The following MRPS14 variants were observed in gnomAD, a reference collection of about 807,000 sequenced individuals.
The protein encoded by MRPS14 is mitochondrial ribosomal protein S14.
A neutral mutation model predicts 16.4 loss-of-function variants in MRPS14; 14 were observed. That is an observed-to-expected ratio of 0.85 (90% CI 0.56 to 1.33). The LOEUF is 1.33. MRPS14 is among the 40% of genes most tolerant of loss of function. The pLI is 0.00. For missense variants in MRPS14, 162 were observed against 176.8 expected, an observed-to-expected ratio of 0.92 and a Z score of 0.48; for synonymous variants, 54 against 61.9, an observed-to-expected ratio of 0.87 and a Z score of 0.60.
rs1012484193 is a variant in MRPS14 at position 175,023,356 on chromosome 1, G to A, written c.45+8C>T. ...GGGTAGCGGTGTGGATAAAAGTAGA[G>A]GCCTGACCTGCTTGAACGTCCGCAG... On this transcript the variant is annotated splice_region_variant and intron_variant, in intron 1 of 2. Transcript: ENST00000476371. 1 of 1,613,930 alleles carries A rather than the reference G, an allele frequency of 6.2e-7. No homozygotes were observed. The highest frequency in any genetic ancestry group is 1.3e-5 in the African/African-American group (1 of 74,918).
intron 2 of MRPS14, 49 bp from the exon 3 acceptor site, chr1:175,014,900 G>T: frequency 6.7e-5 from 91 of 1,351,638 alleles, no homozygotes; most frequent in Non-Finnish European, 8.1e-5. Flanking sequence ...TGTTGCACAT[G>T]TATTTTGCTC....
intron 2 of MRPS14, among the ~76,000 whole-genome samples, chr1:175,017,406 C>T (rs1354183362): frequency 6.6e-6 from 1 of 152,158 alleles, no homozygotes; most frequent in Non-Finnish European, 1.5e-5. Flanking sequence ...TAGTGTAAGC[C>T]ATAACCCAGT....
chr1:175,015,292 T>C (rs1672861268), intron 2 of MRPS14, among the ~76,000 whole-genome samples: 1 of 152,192 alleles, frequency 6.6e-6, no homozygotes, highest in African/African-American at 2.4e-5. Flanking sequence ...AATTCATTTA[T>C]CCATCCTACA....
intron 2 of MRPS14, among the ~76,000 whole-genome samples, chr1:175,015,241 G>T (rs565938498): frequency 3.9e-5 from 6 of 152,248 alleles, no homozygotes; most frequent in Non-Finnish European, 8.8e-5. Flanking sequence ...GAGCCACAGC[G>T]CCTGGCCACT....
chr1:175,018,903 A>G (rs1672929606), intron 1 of MRPS14, among the ~76,000 whole-genome samples: 6 of 152,292 alleles, frequency 3.9e-5, no homozygotes, highest in Middle Eastern at 6.8e-3. Context: ...TCAAAAAGGT[A>G]TAAGAAGACA....
rs773243573 is a variant in MRPS14, at chr1:175,014,766, G to A, written c.290C>T (p.Pro97Leu). 10 of 1,613,904 alleles carry A rather than the reference G, an allele frequency of 6.2e-6. No homozygotes were observed. The highest frequency in any genetic ancestry group is 2.7e-5 in the African/African-American group (2 of 74,854). The change falls in exon 3 of 3, where the codon CCG (proline) becomes CTG (leucine). Residue 97 changes from proline (P) to leucine (L), a missense_variant. Pro to Leu is a moderately conservative substitution (Grantham distance 98). Transcript: ENST00000476371. ...CCTCCAGCGCCGCTTCACACCACGCGGACGGGACGTCATAACACACCGATT... is the reference window on the plus strand; with the variant it reads ...CCTCCAGCGCCGCTTCACACCACGCAGACGGGACGTCATAACACACCGATT... ...IRNRCVMTSR[P>L]RGVKRRWRLS...
At chr1:175,019,532 G>A (rs1463548498) in intron 1 of MRPS14, among the ~76,000 whole-genome samples, 1 of 152,106 alleles carries the variant, frequency 6.6e-6, no homozygotes, top group Non-Finnish European at 1.5e-5. Context: ...CTGACCTCAA[G>A]TGATCCATCC....
intron 1 of MRPS14, among the ~76,000 whole-genome samples, chr1:175,020,014 A>T (rs1672949851): frequency 6.6e-6 from 1 of 152,262 alleles, no homozygotes; most frequent in African/African-American, 2.4e-5. Flanking sequence ...CCTTGGGGAA[A>T]TATAACAATT....
At chr1:175,022,437 C>G (rs1397808946) in intron 1 of MRPS14, 1 of 144,182 alleles carries the variant, frequency 6.9e-6, no homozygotes, top group East Asian at 2.0e-4. Flanking sequence ...CCCATAGCCT[C>G]TCTCTCTTTT....
At chr1:175,018,658 G>T in intron 1 of MRPS14, 82 bp from the exon 2 acceptor site, 3 of 1,256,248 alleles carry the variant, frequency 2.4e-6, no homozygotes, top group South Asian at 1.7e-5. Context: ...TTCTCTTTCT[G>T]CCACTATTTA....
At chr1:175,015,381 T>A (rs895282213) in intron 2 of MRPS14, among the ~76,000 whole-genome samples, 1 of 152,162 alleles carries the variant, frequency 6.6e-6, no homozygotes, top group African/African-American at 2.4e-5. Context: ...GTAAAGTATG[T>A]GAATGTATTT....
chr1:175,015,138 G>A (rs555667978), intron 2 of MRPS14, among the ~76,000 whole-genome samples: 5 of 151,832 alleles, frequency 3.3e-5, no homozygotes, highest in East Asian at 1.9e-4. Context: ...TAGTAGAAAC[G>A]GGGTTTCACC....
intron 1 of MRPS14, among the ~76,000 whole-genome samples, chr1:175,022,032 A>T (rs1672988271): frequency 6.6e-6 from 1 of 152,198 alleles, no homozygotes; most frequent in South Asian, 2.1e-4. Flanking sequence ...TGGGGAATGT[A>T]ATTCTTTATT....
intron 2 of MRPS14, among the ~76,000 whole-genome samples, chr1:175,017,844 G>C (rs765625225): frequency 6.6e-6 from 1 of 152,160 alleles, no homozygotes; most frequent in Non-Finnish European, 1.5e-5. Context: ...ATTGGGATGC[G>C]GCTGGACACA....
rs1176360283 is a variant in MRPS14, at chr1:175,013,498, C to T, written c.*1171G>A. ...AAACTTTAAAAATCTGTCCTCTCTC[C>T]TCTACTAATACCACAATGTTAGTTC... On this transcript the variant is annotated 3_prime_UTR_variant, in exon 3 of 3. Transcript: ENST00000476371. 6.6e-6 allele frequency: 1 copy of T among 152,178 alleles called. No individual in the cohort carries two copies. Among genetic ancestry groups the T allele is most frequent in the Non-Finnish European group, 1.5e-5 (1 of 68,040 alleles). The allele number at this position is 152,178 out of a possible 1,614,324, so 9.4% of individuals were successfully genotyped here. A position where few individuals can be genotyped will look rare whatever the true frequency, so the allele number is the denominator to read the frequency against.
At position 175,013,958 on chromosome 1, in the gene MRPS14, T is replaced by C. The variant is rs1280700228; in HGVS notation, c.*711A>G. 1 of 152,250 alleles carries C rather than the reference T, an allele frequency of 6.6e-6. No individual in the cohort carries two copies. Among genetic ancestry groups the C allele is most frequent in the Non-Finnish European group, 1.5e-5 (1 of 68,038 alleles). The allele number at this position is 152,250 out of a possible 1,614,324, so 9.4% of individuals were successfully genotyped here. A position where few individuals can be genotyped will look rare whatever the true frequency, so the allele number is the denominator to read the frequency against. ...TGGGCTGATGATCACACTGTTGAGT[T>C]ACTGAATGAGAACTTTGTGCTACCC... On this transcript the variant is annotated 3_prime_UTR_variant, in exon 3 of 3. Coordinates refer to ENST00000476371, the MANE Select transcript of MRPS14 (RefSeq NM_022100.3).
At chr1:175,015,739 CTT>C (rs993883029) in intron 2 of MRPS14, among the ~76,000 whole-genome samples, 1 of 152,186 alleles carries the variant, frequency 6.6e-6, no homozygotes, top group African/African-American at 2.4e-5. Context: ...ATAATATTCA[CTT>C]TAATCTGATA....
chr1:175,022,825 C>A (rs1673004787), intron 1 of MRPS14, among the ~76,000 whole-genome samples: 1 of 151,844 alleles, frequency 6.6e-6, no homozygotes, highest in Non-Finnish European at 1.5e-5. Context: ...CTCTTGAACG[C>A]TTTCGTCCCC....
At chr1:175,017,107 C>T (rs1212785145) in intron 2 of MRPS14, among the ~76,000 whole-genome samples, 3 of 151,890 alleles carry the variant, frequency 2.0e-5, no homozygotes, top group Admixed American at 6.6e-5. Context: ...TAGGCTGGAG[C>T]GTACTGGCGT....
Sources: gnomAD v4.1 joint callset for allele counts (sites outside exome capture counted in the v4.1 genomes callset) on GRCh38, gnomAD v4.1.1 for gene constraint, MANE v1.5 for transcripts, NCBI Gene and HGNC (gene_info 2026-07-23, HGNC 2026-07-21) for gene names.